The following PACS1 variants were observed in gnomAD, a reference collection of about 807,000 sequenced individuals.
The protein encoded by PACS1 is phosphofurin acidic cluster sorting protein 1.
A neutral mutation model predicts 115.0 loss-of-function variants in PACS1; 24 were observed. That is an observed-to-expected ratio of 0.21 (90% confidence interval 0.15 to 0.29). The LOEUF is 0.29. Among genes scored for constraint, PACS1 ranks in the 10% least tolerant of loss-of-function variants. PACS1 has a pLI of 1.00. For missense variants in PACS1, 838 were observed against 1,251.2 expected, an observed-to-expected ratio of 0.67 and a Z score of 4.98; for synonymous variants, 453 against 504.5, an observed-to-expected ratio of 0.90 and a Z score of 1.37.
At chr11:66,192,086 C>G (rs1854538074) in intron 1 of PACS1, among the ~76,000 whole-genome samples, 1 of 151,888 alleles carries the variant, frequency 6.6e-6, no homozygotes, top group African/African-American at 2.4e-5. Flanking sequence ...GTTCTGTTGA[C>G]CTGGATTTGT....
intron 1 of PACS1, among the ~76,000 whole-genome samples, chr11:66,112,487 G>A (rs1365649434): frequency 1.3e-5 from 2 of 152,140 alleles, no homozygotes; most frequent in African/African-American, 2.4e-5. Context: ...CATGCCTCTC[G>A]TTGCTTTCTT....
At chr11:66,090,560 T>A (rs1028440614) in intron 1 of PACS1, among the ~76,000 whole-genome samples, 3 of 152,116 alleles carry the variant, frequency 2.0e-5, no homozygotes, top group Admixed American at 6.6e-5. Flanking sequence ...TCAGCCACCG[T>A]GCCCTGCCTA....
At chr11:66,155,256 C>A (rs985506729) in intron 1 of PACS1, among the ~76,000 whole-genome samples, 8 of 151,986 alleles carry the variant, frequency 5.3e-5, no homozygotes, top group Non-Finnish European at 4.4e-5. Context: ...AAAGCACATA[C>A]CATAAAATAA....
At chr11:66,216,315 G>T in intron 5 of PACS1, 52 bp downstream of exon 5, 1 of 1,605,034 alleles carries the variant, frequency 6.2e-7, no homozygotes. Context: ...CCCATCCTGG[G>T]AAAGGTGAAC....
Position 66,233,160 on chromosome 11 carries a change from C to A in PACS1, c.1838+94C>A. The A allele has an allele frequency of 1.1e-6, 1 of 909,992 alleles. No homozygotes were observed. Among genetic ancestry groups the A allele is most frequent in the Non-Finnish European group, 1.7e-6 (1 of 581,488 alleles). 56.4% of individuals were successfully genotyped at this position (909,992 alleles called of 1,614,324 possible). ...TCTAAGCAATGATAGACCCTCCTGG[C>A]CTCATCAGACCAAGAATTTGCAGAG... On this transcript the variant is annotated intron_variant, in intron 15 of 23. Coordinates refer to ENST00000320580, the MANE Select transcript of PACS1 (RefSeq NM_018026.4). This position sits in a 1 kb window ranked among gnomAD's most constrained non-coding sequence, Gnocchi z 4.5.
At chr11:66,237,711 G>C (rs2134746495) in intron 19 of PACS1, among the ~76,000 whole-genome samples, 1 of 152,340 alleles carries the variant, frequency 6.6e-6, no homozygotes, top group East Asian at 1.9e-4. Flanking sequence ...TCGCAACCGA[G>C]AGAGACAGAG....
chr11:66,241,937 C>G (rs1362866173), intron 22 of PACS1, among the ~76,000 whole-genome samples: 2 of 152,210 alleles, frequency 1.3e-5, no homozygotes, highest in Admixed American at 6.5e-5. Flanking sequence ...GGGGGCCTTT[C>G]TGGCCACTGC....
chr11:66,186,855 C>CA (rs1854386872), intron 1 of PACS1, among the ~76,000 whole-genome samples: 7 of 122,930 alleles, frequency 5.7e-5, no homozygotes, highest in Admixed American at 5.1e-4. Context: ...TGTGTAGGCC[C>CA]GTAACGTTGC....
chr11:66,113,257 C>T (rs948716092), intron 1 of PACS1, among the ~76,000 whole-genome samples: 2 of 152,130 alleles, frequency 1.3e-5, no homozygotes, highest in African/African-American at 4.8e-5. Flanking sequence ...TGTTTACCTA[C>T]CCACTTCTTG....
At chr11:66,129,345 T>C (rs967068904) in intron 1 of PACS1, among the ~76,000 whole-genome samples, 1 of 151,092 alleles carries the variant, frequency 6.6e-6, no homozygotes, top group Non-Finnish European at 1.5e-5. Context: ...GGCAGGAGAA[T>C]CACTTGTACC....
Position 66,242,971 on chromosome 11 carries a change from G to A in PACS1, c.2716G>A (p.Val906Ile), listed in dbSNP as rs758851271. 1 of 1,614,002 alleles carries A rather than the reference G, an allele frequency of 6.2e-7. No individual in the cohort carries two copies. Among genetic ancestry groups the A allele is most frequent in the South Asian group, 1.1e-5 (1 of 91,066 alleles). ...REKEVDSKSQ[V>I]IEGISRLICS... ...AAAGGAGGTGGATTCTAAGAGCCAGGTCATTGAAGGCATCAGCCGCCTCAT... is the reference window on the plus strand; with the variant it reads ...AAAGGAGGTGGATTCTAAGAGCCAGATCATTGAAGGCATCAGCCGCCTCAT... The change falls in exon 23 of 24, where the codon GTC becomes ATC. Residue 906 changes from valine (V) to isoleucine (I), a missense_variant. By Grantham distance (29) the Val-to-Ile change is conservative. Transcript: ENST00000320580.
intron 1 of PACS1, among the ~76,000 whole-genome samples, chr11:66,128,140 A>G (rs1486234268): frequency 6.6e-6 from 1 of 152,226 alleles, no homozygotes. Flanking sequence ...ACCAATAGTC[A>G]TATATGATTG....
intron 22 of PACS1, 90 bp from the exon 23 acceptor site, chr11:66,242,822 C>A: frequency 1.3e-6 from 2 of 1,566,034 alleles, no homozygotes; most frequent in Non-Finnish European, 1.7e-6. Flanking sequence ...CCTCCCCTCG[C>A]CACAGGAAGA....
At chr11:66,220,301 G>C (rs1314670178) in intron 8 of PACS1, 5 of 334,284 alleles carry the variant, frequency 1.5e-5, no homozygotes, top group Non-Finnish European at 2.2e-5. Context: ...GATGAAAATT[G>C]TTGAGAGCGA....
Position 66,244,114 on chromosome 11 carries a change from T to C in PACS1, c.*834T>C, listed in dbSNP as rs1003041459. 6.6e-6 allele frequency: 1 copy of C among 152,292 alleles called. No homozygotes were observed. The highest frequency in any genetic ancestry group is 2.4e-5 in the African/African-American group (1 of 41,406). The allele number at this position is 152,292 out of a possible 1,614,324, so 9.4% of individuals were successfully genotyped here. On this transcript the variant is annotated 3_prime_UTR_variant, in exon 24 of 24. Transcript: ENST00000320580. The stretch of plus-strand genomic sequence containing the variant: ...TCTTCGTGGCTTCCACCCTTGTTAA[T>C]GATGCTCCTGCCTCTGCCTCCCAGC...
intron 1 of PACS1, among the ~76,000 whole-genome samples, chr11:66,146,696 G>A (rs952723943): frequency 3.3e-5 from 5 of 151,988 alleles, no homozygotes; most frequent in African/African-American, 7.3e-5. Flanking sequence ...ACTTCAAATC[G>A]GATAAATATT....
At chr11:66,239,070 C>G in intron 20 of PACS1, 72 bp from the exon 21 acceptor site, 2 of 1,602,748 alleles carry the variant, frequency 1.2e-6, no homozygotes, top group South Asian at 1.1e-5. Context: ...GGAGGAACCC[C>G]GGCTCCTTGC....
chr11:66,089,309 T>C (rs1490008330), intron 1 of PACS1, among the ~76,000 whole-genome samples: 1 of 152,248 alleles, frequency 6.6e-6, no homozygotes, highest in Admixed American at 6.5e-5. Flanking sequence ...TTTGCTCTTA[T>C]TATGACAGTT....
intron 2 of PACS1, among the ~76,000 whole-genome samples, chr11:66,201,676 TG>T (rs1854801302): frequency 6.8e-6 from 1 of 146,996 alleles, no homozygotes; most frequent in African/African-American, 2.5e-5. Context: ...TTTTTTTTTC[TG>T]AGACGGAGTT....
Sources: gnomAD v4.1 joint callset for allele counts (sites outside exome capture counted in the v4.1 genomes callset) on GRCh38, gnomAD v4.1.1 for gene constraint, Gnocchi (gnomAD v3.1) non-coding constraint, MANE v1.5 for transcripts, NCBI Gene and HGNC (gene_info 2026-07-23, HGNC 2026-07-21) for gene names.